Variants in SPIRE1 observed in about 807,000 individuals in gnomAD.
SPIRE1 encodes the protein spire type actin nucleation factor 1, also known as protein spire homolog 1.
A neutral mutation model predicts 94.1 loss-of-function variants in SPIRE1; 40 were observed. The observed-to-expected ratio is 0.43, with a 90% CI of 0.33 to 0.55. The LOEUF (loss-of-function observed/expected upper bound fraction) is 0.55, where lower values mean the gene tolerates loss of function less well. Ranked by LOEUF, SPIRE1 falls within the 20% of genes least tolerant of loss-of-function variation. The pLI is 0.06. For missense variants in SPIRE1, 838 were observed against 975.2 expected, an observed-to-expected ratio of 0.86 and a Z score of 1.87; for synonymous variants, 376 against 371.7, an observed-to-expected ratio of 1.01 and a Z score of -0.13.
intron 2 of SPIRE1, among the ~76,000 whole-genome samples, chr18:12,601,216 C>T (rs1387538632): frequency 6.6e-6 from 1 of 151,512 alleles, no homozygotes; most frequent in African/African-American, 2.4e-5. Flanking sequence ...AGGTTCGAGA[C>T]CAGCCCAGCC....
chr18:12,598,456 T>G (rs1324343021), intron 2 of SPIRE1, among the ~76,000 whole-genome samples: 1 of 149,102 alleles, frequency 6.7e-6, no homozygotes, highest in East Asian at 2.0e-4. Flanking sequence ...GTTTACACTG[T>G]TTTTTTTTTC....
intron 2 of SPIRE1, among the ~76,000 whole-genome samples, chr18:12,599,414 C>T (rs2036769398): frequency 6.6e-6 from 1 of 152,156 alleles, no homozygotes; most frequent in African/African-American, 2.4e-5. Flanking sequence ...GTACGCCCCA[C>T]TACACCTGGC....
chr18:12,520,698 G>T (rs1303587914), intron 4 of SPIRE1, among the ~76,000 whole-genome samples: 1 of 152,136 alleles, frequency 6.6e-6, no homozygotes, highest in Admixed American at 6.6e-5. Context: ...TCAAAAAGTG[G>T]TATGTTCACC....
At chr18:12,505,224 T>C (rs994574874) in intron 6 of SPIRE1, among the ~76,000 whole-genome samples, 7 of 152,170 alleles carry the variant, frequency 4.6e-5, no homozygotes, top group Admixed American at 4.6e-4. Flanking sequence ...TGTCATAGTC[T>C]GATGAGAGAT....
intron 8 of SPIRE1, among the ~76,000 whole-genome samples, chr18:12,489,310 C>T (rs1332804970): frequency 6.6e-6 from 1 of 152,238 alleles, no homozygotes; most frequent in Non-Finnish European, 1.5e-5. Flanking sequence ...ATTACCTACT[C>T]TAGATTGTCC....
intron 2 of SPIRE1, among the ~76,000 whole-genome samples, chr18:12,568,324 T>C (rs1217986138): frequency 6.6e-6 from 1 of 152,246 alleles, no homozygotes; most frequent in African/African-American, 2.4e-5. Context: ...CACTCATGTA[T>C]GCTGCTGTCC....
chr18:12,541,962 A>C (rs1363210581), intron 3 of SPIRE1, among the ~76,000 whole-genome samples: 1 of 151,868 alleles, frequency 6.6e-6, no homozygotes, highest in Non-Finnish European at 1.5e-5. Context: ...AGCCAATACA[A>C]AAATTATTAA....
chr18:12,525,276 C>CAAAAAAAAAAA (rs1170791088), intron 4 of SPIRE1, among the ~76,000 whole-genome samples: 23 of 71,478 alleles, frequency 3.2e-4, no homozygotes, highest in Admixed American at 4.0e-4. Flanking sequence ...GACTCCGTCT[C>CAAAAAAAAAAA]AAAAAAAAAA....
chr18:12,509,853 C>T (rs57965426), intron 5 of SPIRE1, among the ~76,000 whole-genome samples: 3,512 of 152,126 alleles, frequency 0.023, 146 homozygotes, highest in African/African-American at 0.079. Flanking sequence ...GAGGCCAAGG[C>T]GGGCGGATCA....
chr18:12,589,863 C>A (rs2036483682), intron 2 of SPIRE1, among the ~76,000 whole-genome samples: 1 of 152,174 alleles, frequency 6.6e-6, no homozygotes, highest in South Asian at 2.1e-4. Flanking sequence ...TTTGCTACAG[C>A]ATAGTTTAAT....
chr18:12,624,460 T>C (rs1450958048), intron 2 of SPIRE1, among the ~76,000 whole-genome samples: 3 of 149,092 alleles, frequency 2.0e-5, no homozygotes, highest in Admixed American at 2.0e-4. Flanking sequence ...GCAGAATTAC[T>C]TGAACCCAGG....
At chr18:12,534,316 G>C (rs2034777012) in intron 4 of SPIRE1, among the ~76,000 whole-genome samples, 1 of 152,084 alleles carries the variant, frequency 6.6e-6, no homozygotes, top group Non-Finnish European at 1.5e-5. Flanking sequence ...CCAAACTGTG[G>C]GTCATGGTAA....
rs556364048 is a variant in SPIRE1 at position 12,535,471 on chromosome 18, C to G, written c.729+5G>C. 2 of 1,610,534 alleles carry G rather than the reference C, an allele frequency of 1.2e-6. No individual in the cohort carries two copies. Among genetic ancestry groups the G allele is most frequent in the Admixed American group, 1.7e-5 (1 of 59,906 alleles). On this transcript the variant is annotated splice_donor_5th_base_variant and intron_variant, in intron 4 of 16. Transcript: ENST00000409402. ...GCCAATAAATATCAAAGCAGTAGTACTCACCTCTTTCGCACTCTTAATTTT... is the reference window on the plus strand; with the variant it reads ...GCCAATAAATATCAAAGCAGTAGTAGTCACCTCTTTCGCACTCTTAATTTT...
chr18:12,452,184 C>G, intron 16 of SPIRE1, 71 bp downstream of exon 16: 1 of 1,594,310 alleles, frequency 6.3e-7, no homozygotes, highest in South Asian at 1.1e-5. Context: ...CCCTAACACT[C>G]TACCACAGTC....
At chr18:12,481,764 A>C (rs995853816) in intron 9 of SPIRE1, among the ~76,000 whole-genome samples, 1 of 152,204 alleles carries the variant, frequency 6.6e-6, no homozygotes, top group Admixed American at 6.5e-5. Flanking sequence ...GTTTTTATAC[A>C]AATTATAAAG....
At position 12,457,140 on chromosome 18, in the gene SPIRE1, T is replaced by C. The variant is rs8085738; in HGVS notation, c.1639-2657A>G. Among the ~76,000 whole-genome samples, 492 of 152,298 alleles carry C rather than the reference T, an allele frequency of 3.2e-3. 1 individual carries two copies. The highest frequency in any genetic ancestry group is 0.011 in the African/African-American group (461 of 41,566). On this transcript the variant is annotated intron_variant, in intron 12 of 16. Transcript: ENST00000409402. Reference sequence around the variant, plus strand: ...GCAACCGCGCCTGGCCATCATGAGATATAATTTAAAAATAGTAGATTTTTG... The same window carrying C: ...GCAACCGCGCCTGGCCATCATGAGACATAATTTAAAAATAGTAGATTTTTG...
chr18:12,494,287 T>C (rs754018689), intron 7 of SPIRE1, among the ~76,000 whole-genome samples: 3 of 152,096 alleles, frequency 2.0e-5, no homozygotes, highest in Admixed American at 6.5e-5. Context: ...AGATTGTTAT[T>C]ATCTTCATTT....
chr18:12,649,419 AT>A (rs139713401), intron 1 of SPIRE1, among the ~76,000 whole-genome samples: 1,912 of 152,184 alleles, frequency 0.013, 43 homozygotes, highest in African/African-American at 0.044. Flanking sequence ...TTAAAAAAAA[AT>A]TTTTTTGACT....
intron 5 of SPIRE1, among the ~76,000 whole-genome samples, chr18:12,508,178 C>T (rs968467692): frequency 4.0e-5 from 6 of 151,872 alleles, no homozygotes; most frequent in Admixed American, 1.3e-4. Context: ...AATAAAGTGA[C>T]ACAATAGTTA....
Sources: allele counts gnomAD v4.1 joint callset (sites outside exome capture counted in the v4.1 genomes callset), GRCh38; gene constraint gnomAD v4.1.1; transcripts MANE v1.5; gene names NCBI Gene and HGNC (gene_info 2026-07-23, HGNC 2026-07-21).